The following TMOD1 variants were observed in gnomAD, a reference collection of about 807,000 sequenced individuals.
The protein encoded by TMOD1 is tropomodulin-1.
Under a neutral mutation model 40.6 loss-of-function variants are expected in TMOD1, and 17 were observed. That is an observed-to-expected ratio of 0.42 (90% CI 0.29 to 0.63). TMOD1 has a LOEUF of 0.63. Ranked by LOEUF, TMOD1 falls within the 20% of genes least tolerant of loss-of-function variation. TMOD1 has a pLI of 0.22. For missense variants in TMOD1, 391 were observed against 447.6 expected (o/e 0.87, Z 1.14); for synonymous variants, 181 against 175.0 (o/e 1.03, Z -0.27).
intron 9 of TMOD1, among the ~76,000 whole-genome samples, chr9:97,597,182 C>T (rs1201271162): frequency 6.6e-6 from 1 of 152,140 alleles, no homozygotes; most frequent in African/African-American, 2.4e-5. Flanking sequence ...CTGGCTCTTG[C>T]AATAAGCAGT....
At position 97,546,250 on chromosome 9, in the gene TMOD1, T is replaced by C. The variant is rs775708855; in HGVS notation, c.186T>C (p.Phe62=). The C allele has an allele frequency of 6.2e-7, 1 of 1,613,978 alleles. No individual in the cohort carries two copies. Among genetic ancestry groups the C allele is most frequent in the Non-Finnish European group, 8.5e-7 (1 of 1,179,998 alleles). The part of the protein sequence containing the change: ...DQTTKAPTGP[F]KREELLDHLE... ...CCACCAAGGCGCCCACGGGCCCCTTTAAAAGAGAGGAGCTCTTGGATCACT... is the reference window on the plus strand; with the variant it reads ...CCACCAAGGCGCCCACGGGCCCCTTCAAAAGAGAGGAGCTCTTGGATCACT... Residue 62 remains phenylalanine (F), a synonymous_variant, in exon 3 of 10, where the codon TTT becomes TTC. Coordinates refer to ENST00000259365, the MANE Select transcript of TMOD1 (RefSeq NM_003275.4).
intron 1 of TMOD1, among the ~76,000 whole-genome samples, chr9:97,506,232 G>A (rs1298825142): frequency 9.9e-5 from 15 of 152,146 alleles, no homozygotes; most frequent in Admixed American, 9.8e-4. Flanking sequence ...TGCCAACTCA[G>A]AGCACCAGCC....
At chr9:97,528,660 C>T (rs1268695492) in intron 2 of TMOD1, among the ~76,000 whole-genome samples, 1 of 152,208 alleles carries the variant, frequency 6.6e-6, no homozygotes, top group Non-Finnish European at 1.5e-5. Flanking sequence ...AATCACAGCA[C>T]AGGGAGAGGC....
chr9:97,504,849 G>C (rs993897125), intron 1 of TMOD1, among the ~76,000 whole-genome samples: 3 of 152,206 alleles, frequency 2.0e-5, no homozygotes, highest in African/African-American at 7.2e-5. Context: ...GGACCAGCCA[G>C]GCTGCCAACA....
rs984714235 is a variant in TMOD1, at chr9:97,524,122, G to A, written c.-48-19G>A. On this transcript the variant is annotated intron_variant, in intron 1 of 9. Coordinates refer to ENST00000259365, the MANE Select transcript of TMOD1 (RefSeq NM_003275.4). ...CAAATCTGAGACGGGTCTTTCTAAGGTTCTTGTCTTTCTGGTAGGTATTAC... is the reference window on the plus strand; with the variant it reads ...CAAATCTGAGACGGGTCTTTCTAAGATTCTTGTCTTTCTGGTAGGTATTAC... 31 of 1,556,532 alleles carry A rather than the reference G, an allele frequency of 2.0e-5. 2 individuals are homozygous for A. In the South Asian group the frequency reaches 3.2e-4, roughly 16 times the overall value.
chr9:97,540,201 C>T (rs1171923041), intron 2 of TMOD1, among the ~76,000 whole-genome samples: 1 of 152,160 alleles, frequency 6.6e-6, no homozygotes, highest in Non-Finnish European at 1.5e-5. Context: ...CAAAATACCA[C>T]AGACTAGGTG....
chr9:97,570,325 TCTC>T (rs765303833), intron 8 of TMOD1, among the ~76,000 whole-genome samples: 4 of 152,216 alleles, frequency 2.6e-5, no homozygotes, highest in Non-Finnish European at 4.4e-5. Flanking sequence ...TCTACCCTCT[TCTC>T]TGCCTTCTGG....
At chr9:97,598,902 C>T (rs1826180956) in intron 9 of TMOD1, among the ~76,000 whole-genome samples, 2 of 152,174 alleles carry the variant, frequency 1.3e-5, no homozygotes, top group African/African-American at 4.8e-5. Context: ...TTTGACCTTT[C>T]TCTTGTGGCT....
At chr9:97,511,891 C>A (rs7028843) in intron 1 of TMOD1, among the ~76,000 whole-genome samples, 25,417 of 152,086 alleles carry the variant, frequency 0.17, 2,217 homozygotes, top group East Asian at 0.2. Flanking sequence ...AGCTGGCCCT[C>A]AGGCAGTTTT....
Position 97,564,618 on chromosome 9 carries a change from G to A in TMOD1, c.618+450G>A, listed in dbSNP as rs147440188. ...TGTGCCATCGCTGCTGCTATATCAC[G>A]TTCATATTCAGCCTTGTTTTACAGC... is the stretch of plus-strand genomic sequence containing the variant. On this transcript the variant is annotated intron_variant, in intron 6 of 9. Coordinates refer to ENST00000259365, the MANE Select transcript of TMOD1 (RefSeq NM_003275.4). 3.4e-3 allele frequency among the ~76,000 whole-genome samples: 515 copies of A among 152,306 alleles called. 1 individual carries two copies. The highest frequency in any genetic ancestry group is 0.012 in the African/African-American group (493 of 41,552).
rs1484682870 is a variant in TMOD1 at position 97,591,339 on chromosome 9, GA to G, written c.926del (p.Asn309ThrfsTer24). On this transcript the variant is annotated frameshift_variant, in exon 9 of 10. Coordinates refer to ENST00000259365, the MANE Select transcript of TMOD1 (RefSeq NM_003275.4). LOFTEE classifies it high-confidence loss of function. ...GGAAATGGAGATTGTGAGCATGTTG[GA>G]AAAAAACGCAACACTTCTCAAATTC... ...KVEMEIVSML[E>X]KNATLLKFGY... The G allele has an allele frequency of 6.2e-7, 1 of 1,613,898 alleles. No individual in the cohort carries two copies. The highest frequency in any genetic ancestry group is 1.3e-5 in the African/African-American group (1 of 74,852).
intron 8 of TMOD1, among the ~76,000 whole-genome samples, chr9:97,582,181 G>A (rs1168878275): frequency 6.6e-6 from 1 of 151,294 alleles, no homozygotes; most frequent in East Asian, 1.9e-4. Context: ...TTTGTAGAAG[G>A]TGTAAGGAAG....
intron 9 of TMOD1, among the ~76,000 whole-genome samples, chr9:97,591,922 A>T (rs1030504875): frequency 6.6e-6 from 1 of 152,198 alleles, no homozygotes; most frequent in African/African-American, 2.4e-5. Context: ...CTTCATAGTA[A>T]AGTAAAAGTA....
In TMOD1 at chr9:97,568,783, T is replaced by C. The variant is rs1469751633; in HGVS notation, c.727-111T>C. On this transcript the variant is annotated intron_variant, in intron 7 of 9. Coordinates refer to ENST00000259365, the MANE Select transcript of TMOD1 (RefSeq NM_003275.4). ...TCAGAGTTGTGCTTGGTGAAGGACA[T>C]GGTGGAGATCATCCTCCTGTTCCCC... The C allele has an allele frequency of 1.4e-5, 18 of 1,277,864 alleles. No individual in the cohort carries two copies. In the East Asian group the frequency reaches 4.0e-4, roughly 28 times the overall value. The allele number at this position is 1,277,864 out of a possible 1,614,324, so 79.2% of individuals were successfully genotyped here.
intron 1 of TMOD1, among the ~76,000 whole-genome samples, chr9:97,514,839 A>G (rs1256545902): frequency 1.3e-5 from 2 of 152,230 alleles, no homozygotes; most frequent in Admixed American, 1.3e-4. Context: ...CAGGCCACTC[A>G]CTACCTGGAT....
chr9:97,559,077 C>A (rs1830577374), intron 4 of TMOD1, among the ~76,000 whole-genome samples: 1 of 152,190 alleles, frequency 6.6e-6, no homozygotes, highest in Non-Finnish European at 1.5e-5. Context: ...CCACTCTAAG[C>A]CACACCAGTC....
Position 97,601,521 on chromosome 9 carries a change from C to A in TMOD1, c.*1823C>A. On this transcript the variant is annotated 3_prime_UTR_variant, in exon 10 of 10. Coordinates refer to ENST00000259365, the MANE Select transcript of TMOD1 (RefSeq NM_003275.4). ...TCTCATAGAAACGAAACCAAACCAA[C>A]AGAAAATGAAGAAGGCCACATCTTT... 1 of 989,092 alleles carries A rather than the reference C, an allele frequency of 1.0e-6. No homozygotes were observed. The highest frequency in any genetic ancestry group is 1.2e-6 in the Non-Finnish European group (1 of 832,178). 61.3% of individuals were successfully genotyped at this position (989,092 alleles called of 1,614,324 possible). A position where few individuals can be genotyped will look rare whatever the true frequency, so the allele number is the denominator to read the frequency against.
Position 97,564,030 on chromosome 9 carries a change from C to A in TMOD1, c.488-8C>A. 6.3e-7 allele frequency: 1 copy of A among 1,597,268 alleles called. No individual in the cohort carries two copies. Among genetic ancestry groups the A allele is most frequent in the South Asian group, 1.1e-5 (1 of 87,766 alleles). ...TGTGAGCCACCTCCCTTTCATCGGT[C>A]ACTCTAGGCGTGATTAAACCCACAC... is the stretch of plus-strand genomic sequence containing the variant. On this transcript the variant is annotated splice_polypyrimidine_tract_variant and splice_region_variant and intron_variant, in intron 5 of 9. Transcript: ENST00000259365.
At chr9:97,505,613 A>G (rs560909734) in intron 1 of TMOD1, among the ~76,000 whole-genome samples, 1 of 151,592 alleles carries the variant, frequency 6.6e-6, no homozygotes, top group South Asian at 2.1e-4. Context: ...TCCACCGCAC[A>G]CTCTCACAGT....
Sources: allele counts gnomAD v4.1 joint callset (sites outside exome capture counted in the v4.1 genomes callset), GRCh38; gene constraint gnomAD v4.1.1; transcripts MANE v1.5; gene names NCBI Gene and HGNC (gene_info 2026-07-23, HGNC 2026-07-21).